The following SLC25A32 variants were observed in gnomAD, a reference collection of about 807,000 sequenced individuals.
SLC25A32 encodes the protein Glycine auxotroph B, complementation of hamster.
SLC25A32 carries 32 observed loss-of-function variants against 39.0 expected under a neutral mutation model. The observed-to-expected ratio is 0.82, with a 90% CI of 0.62 to 1.10. SLC25A32 has a LOEUF of 1.10. SLC25A32 is among the 50% of genes least tolerant of loss of function. The pLI is 0.00. For synonymous variants in SLC25A32, 166 were observed against 152.4 expected (o/e 1.09, Z -0.66); for missense variants, 367 against 395.3 (o/e 0.93, Z 0.61).
chr8:103,413,319 G>C (rs1298599784), intron 1 of SLC25A32, among the ~76,000 whole-genome samples: 1 of 152,190 alleles, frequency 6.6e-6, no homozygotes, highest in East Asian at 1.9e-4. Flanking sequence ...TGCACCTGCA[G>C]GCAAGTCTAA....
rs1816172530 is a variant in SLC25A32, at chr8:103,399,594, T to C, written c.*817A>G. 6.6e-6 allele frequency: 1 copy of C among 152,218 alleles called. No homozygotes were observed. Among genetic ancestry groups the C allele is most frequent in the Admixed American group, 6.5e-5 (1 of 15,280 alleles). 9.4% of individuals were successfully genotyped at this position (152,218 alleles called of 1,614,324 possible). ...ATATTTACAGTGCATTTTTTCTCAC[T>C]AAAATTTCCCAATTCTAAAATGGTC... On this transcript the variant is annotated 3_prime_UTR_variant, in exon 7 of 7. Coordinates refer to ENST00000297578, the MANE Select transcript of SLC25A32 (RefSeq NM_030780.5).
In SLC25A32 at chr8:103,407,629, C is replaced by A; in HGVS notation, c.305+5G>T. On this transcript the variant is annotated splice_donor_5th_base_variant and intron_variant, in intron 2 of 6. Coordinates refer to ENST00000297578, the MANE Select transcript of SLC25A32 (RefSeq NM_030780.5). ...AATACTGTAAAATCTCCCAAATCTA[C>A]TCACAAGAAAAAGTAGAGTCCCCAG... 2 of 1,534,952 alleles carry A rather than the reference C, an allele frequency of 1.3e-6. No individual in the cohort carries two copies. The highest frequency in any genetic ancestry group is 1.8e-6 in the Non-Finnish European group (2 of 1,135,376).
In SLC25A32 at chr8:103,403,303, G is replaced by C; in HGVS notation, c.413C>G (p.Thr138Arg). 6.2e-7 allele frequency: 1 copy of C among 1,603,862 alleles called. No homozygotes were observed. The highest frequency in any genetic ancestry group is 1.4e-5 in the African/African-American group (1 of 73,910). Residue 138 changes from threonine (T) to arginine (R), a missense_variant, in exon 4 of 7, where the codon ACA (threonine) becomes AGA (arginine). Transcript: ENST00000297578. The part of the protein sequence containing the change: ...AEAGAMTLCI[T>R]NPLWVTKTRL... ...AGTTTTTGTTACCCATAATGGGTTT[G>C]TAATGCAGAGGGTCATGGCTCCTAA...
intron 1 of SLC25A32, among the ~76,000 whole-genome samples, chr8:103,413,814 GA>G (rs1225188025): frequency 6.6e-6 from 1 of 152,134 alleles, no homozygotes; most frequent in Non-Finnish European, 1.5e-5. Context: ...ATCTTCCACT[GA>G]ACCTTAAAGA....
chr8:103,400,031 G>A lies in SLC25A32; in HGVS notation c.*380C>T. On this transcript the variant is annotated 3_prime_UTR_variant, in exon 7 of 7. Coordinates refer to ENST00000297578, the MANE Select transcript of SLC25A32 (RefSeq NM_030780.5). The stretch of plus-strand genomic sequence containing the variant: ...TTTAAAGAGCTATTTTCTTGGTATT[G>A]CACAAAGGTTAATTTTAAAGCAATC... 4.7e-6 allele frequency: 1 copy of A among 211,716 alleles called. No individual in the cohort carries two copies. 13.1% of individuals were successfully genotyped at this position (211,716 alleles called of 1,614,324 possible). A position where few individuals can be genotyped will look rare whatever the true frequency, so the allele number is the denominator to read the frequency against.
At chr8:103,403,408 G>GT (rs1383420211) in intron 3 of SLC25A32, 84 bp from the exon 4 acceptor site, 6 of 130,244 alleles carry the variant, frequency 4.6e-5, no homozygotes, top group Non-Finnish European at 7.1e-5. Context: ...GTACATTTAT[G>GT]TAAAAAAAAA....
intron 5 of SLC25A32, 27 bp from the exon 6 acceptor site, chr8:103,401,688 T>C: frequency 2.6e-6 from 4 of 1,537,614 alleles, no homozygotes; most frequent in Non-Finnish European, 3.5e-6. Flanking sequence ...AAACAGTTTT[T>C]TCTTTAGACA....
chr8:103,406,770 G>C (rs539675138), intron 2 of SLC25A32, among the ~76,000 whole-genome samples: 3 of 152,276 alleles, frequency 2.0e-5, no homozygotes, highest in African/African-American at 7.2e-5. Context: ...TATCCTCTCT[G>C]TTTTTCCACC....
In SLC25A32 at chr8:103,404,672, G is replaced by A. The variant is rs1022436329; in HGVS notation, c.391+104C>T. The A allele has an allele frequency of 3.7e-5, 25 of 677,208 alleles. No individual in the cohort carries two copies. The Admixed American group carries it at 3.8e-4, about 10-fold the overall frequency. 41.9% of individuals were successfully genotyped at this position (677,208 alleles called of 1,614,324 possible). On this transcript the variant is annotated intron_variant, in intron 3 of 6. Transcript: ENST00000297578. ...CCATGTAACTGATTTAATACAGTTA[G>A]ATGGGCATATTTAAACTCAGGTGTT...
chr8:103,402,730 G>A (rs1353150607), intron 4 of SLC25A32: 1 of 152,124 alleles, frequency 6.6e-6, no homozygotes, highest in Admixed American at 6.5e-5. Flanking sequence ...GGCTGGGTTT[G>A]ATTTGTTTCG....
chr8:103,408,900 T>C (rs1159142938), intron 1 of SLC25A32, among the ~76,000 whole-genome samples: 2 of 152,232 alleles, frequency 1.3e-5, no homozygotes, highest in Non-Finnish European at 2.9e-5. Context: ...TCATCCTACT[T>C]TGAGATACCA....
chr8:103,404,793 A>C lies in SLC25A32; in HGVS notation c.374T>G (p.Val125Gly). The change falls in exon 3 of 7, where the codon GTC (valine) becomes GGC (glycine). Residue 125 changes from valine (V) to glycine (G), a missense_variant. Physicochemically the swap from Val to Gly is moderately radical, Grantham distance 109. Coordinates refer to ENST00000297578, the MANE Select transcript of SLC25A32 (RefSeq NM_030780.5). ...AERLEATEYL[V>G]SAAEAGAMTL... is the part of the protein sequence containing the mutation. ...TGCCTTACCAGCTTCAGCAGCTGAG[A>C]CAAGGTATTCTGTTGCCTCTAAACG... 6.2e-7 allele frequency: 1 copy of C among 1,612,466 alleles called. No homozygotes were observed. Among genetic ancestry groups the C allele is most frequent in the Non-Finnish European group, 8.5e-7 (1 of 1,178,648 alleles).
intron 6 of SLC25A32, among the ~76,000 whole-genome samples, chr8:103,401,231 A>G (rs917542765): frequency 6.6e-6 from 1 of 152,246 alleles, no homozygotes; most frequent in African/African-American, 2.4e-5. Flanking sequence ...TACCATTCAG[A>G]TATTTTATAA....
In SLC25A32 at chr8:103,401,750, TG is replaced by T. The variant is rs1711543122; in HGVS notation, c.667-90del. The T allele has an allele frequency of 1.8e-5, 22 of 1,218,642 alleles. No homozygotes were observed. In the South Asian group the frequency reaches 3.5e-4, roughly 19 times the overall value. 75.5% of individuals were successfully genotyped at this position (1,218,642 alleles called of 1,614,324 possible). ...AAATTATATACAAAAAACATTTAAA[TG>T]GATCTTTAAGGGATTCTATTTTTGA... On this transcript the variant is annotated intron_variant, in intron 5 of 6. Coordinates refer to ENST00000297578, the MANE Select transcript of SLC25A32 (RefSeq NM_030780.5).
chr8:103,414,233 CTCAAT>C (rs1490744347), intron 1 of SLC25A32, among the ~76,000 whole-genome samples: 35 of 152,342 alleles, frequency 2.3e-4, no homozygotes, highest in Non-Finnish European at 2.9e-5. Flanking sequence ...TTTCAACATA[CTCAAT>C]TCATCTAATA....
intron 2 of SLC25A32, among the ~76,000 whole-genome samples, chr8:103,407,417 C>A (rs1563718886): frequency 1.3e-5 from 2 of 151,980 alleles, no homozygotes; most frequent in Non-Finnish European, 2.9e-5. Context: ...GCTAATAAGC[C>A]ATTAGCTATT....
intron 3 of SLC25A32, among the ~76,000 whole-genome samples, chr8:103,404,378 G>A (rs1419758832): frequency 6.6e-6 from 1 of 152,062 alleles, no homozygotes; most frequent in Admixed American, 6.5e-5. Flanking sequence ...GGTGGATCAA[G>A]AGGTCAAGAG....
chr8:103,414,386 C>T (rs1816539144), intron 1 of SLC25A32, among the ~76,000 whole-genome samples: 1 of 152,166 alleles, frequency 6.6e-6, no homozygotes, highest in Admixed American at 6.5e-5. Context: ...CGCCCTATCC[C>T]AATACTAGTC....
At chr8:103,404,060 T>A (rs1816275490) in intron 3 of SLC25A32, among the ~76,000 whole-genome samples, 1 of 152,166 alleles carries the variant, frequency 6.6e-6, no homozygotes. Flanking sequence ...GGTATTAAAG[T>A]AGGAGTTACA....
Sources: gnomAD v4.1 joint callset for allele counts (sites outside exome capture counted in the v4.1 genomes callset) on GRCh38, gnomAD v4.1.1 for gene constraint, MANE v1.5 for transcripts, NCBI Gene and HGNC (gene_info 2026-07-23, HGNC 2026-07-21) for gene names.